The following CLASP1 variants were observed in gnomAD, a reference collection of about 807,000 sequenced individuals.
CLASP1 encodes CLIP-associating protein 1.
CLASP1 carries 38 observed loss-of-function variants against 192.3 expected under a neutral mutation model. The observed-to-expected ratio is 0.20, with a 90% confidence interval of 0.15 to 0.26. The LOEUF (loss-of-function observed/expected upper bound fraction) is 0.26, where lower values mean the gene tolerates loss of function less well. Among genes scored for constraint, CLASP1 ranks in the 10% least tolerant of loss-of-function variants. CLASP1 has a pLI of 1.00. For synonymous variants in CLASP1, 691 were observed against 712.8 expected, an observed-to-expected ratio of 0.97 and a Z score of 0.49; for missense variants, 1,433 against 1,932.5, an observed-to-expected ratio of 0.74 and a Z score of 4.85.
At chr2:121,405,808 G>A (rs1342438797) in intron 25 of CLASP1, among the ~76,000 whole-genome samples, 3 of 152,152 alleles carry the variant, frequency 2.0e-5, no homozygotes, top group Admixed American at 6.5e-5. Context: ...GGATGCCTGC[G>A]TTTCAGAAGG....
intron 32 of CLASP1, among the ~76,000 whole-genome samples, chr2:121,382,764 G>A (rs778999143): frequency 2.0e-5 from 3 of 152,202 alleles, no homozygotes; most frequent in South Asian, 4.1e-4. Flanking sequence ...AATTCAAATC[G>A]GACCAGAGGG....
At chr2:121,644,749 C>T (rs1048018241) in intron 1 of CLASP1, among the ~76,000 whole-genome samples, 2 of 152,102 alleles carry the variant, frequency 1.3e-5, no homozygotes, top group African/African-American at 4.8e-5. Flanking sequence ...TCGAGACCAG[C>T]ATGGGCAACA....
intron 34 of CLASP1, among the ~76,000 whole-genome samples, chr2:121,374,289 G>A (rs1356793978): frequency 1.3e-5 from 2 of 152,262 alleles, no homozygotes; most frequent in Non-Finnish European, 2.9e-5. Flanking sequence ...TGGGTATGCA[G>A]AAGGCAAGAA....
Position 121,539,899 on chromosome 2 carries a change from A to T in CLASP1, c.196-9574T>A, listed in dbSNP as rs1290000187. On this transcript the variant is annotated intron_variant, in intron 2 of 39. Transcript: ENST00000263710. ...ACTAGTCATCAAGGAACTGCAAATT[A>T]AATGAGACACTACCGCACACTCACA... Among the ~76,000 whole-genome samples the T allele has an allele frequency of 2.6e-5, 4 of 152,240 alleles. No homozygotes were observed. In the East Asian group the frequency reaches 7.7e-4, roughly 29 times the overall value.
chr2:121,600,636 T>TTA (rs1204072379), intron 2 of CLASP1, among the ~76,000 whole-genome samples: 1 of 152,252 alleles, frequency 6.6e-6, no homozygotes, highest in Non-Finnish European at 1.5e-5. Context: ...TATATTTGCA[T>TTA]TACTGCACAC....
chr2:121,567,756 A>G (rs1429015734), intron 2 of CLASP1, among the ~76,000 whole-genome samples: 2 of 152,236 alleles, frequency 1.3e-5, no homozygotes, highest in Admixed American at 6.5e-5. Flanking sequence ...TCATCATGCT[A>G]TGACTAAGCC....
In CLASP1 at chr2:121,527,774, A is replaced by T. The variant is rs1261972592; in HGVS notation, c.470+25T>A. On this transcript the variant is annotated intron_variant, in intron 5 of 39. Coordinates refer to ENST00000263710, the Ensembl canonical transcript of CLASP1. ...GTTTTAAAAAATTCAGCCACGTAAA[A>T]ATGTCAGGCTCATCCCAGACTTACG... 7 of 1,538,726 alleles carry T rather than the reference A, an allele frequency of 4.5e-6. No individual in the cohort carries two copies. The African/African-American group carries it at 8.3e-5, about 18-fold the overall frequency.
At chr2:121,571,454 G>A (rs2059967591) in intron 2 of CLASP1, among the ~76,000 whole-genome samples, 1 of 152,214 alleles carries the variant, frequency 6.6e-6, no homozygotes, top group African/African-American at 2.4e-5. Context: ...GGGTACTGCT[G>A]TGCAAGCAAC....
intron 6 of CLASP1, among the ~76,000 whole-genome samples, chr2:121,517,790 G>T (rs1267173763): frequency 6.7e-6 from 1 of 148,950 alleles, no homozygotes; most frequent in East Asian, 2.1e-4. Flanking sequence ...AAGCTCAGGA[G>T]TTGGAGGCTG....
intron 2 of CLASP1, among the ~76,000 whole-genome samples, chr2:121,533,500 C>A (rs548112690): frequency 6.6e-5 from 10 of 152,116 alleles, no homozygotes; most frequent in African/African-American, 1.9e-4. Flanking sequence ...GTGCCTGGCA[C>A]GTGGTAAGGG....
At chr2:121,363,244 T>C (rs750843630) in exon 37 of CLASP1, 1 of 1,613,986 alleles carries the variant, frequency 6.2e-7, no homozygotes, top group Admixed American at 1.7e-5. Context: ...TAAATCTTGC[T>C]GGTTGATTTC....
chr2:121,453,598 C>T (rs2086014221), intron 14 of CLASP1, among the ~76,000 whole-genome samples: 1 of 152,172 alleles, frequency 6.6e-6, no homozygotes, highest in South Asian at 2.1e-4. Context: ...CATGTTTATT[C>T]TACTTTCACC....
At chr2:121,450,070 A>AC (rs1347746517) in intron 16 of CLASP1, among the ~76,000 whole-genome samples, 1 of 152,164 alleles carries the variant, frequency 6.6e-6, no homozygotes, top group Non-Finnish European at 1.5e-5. Flanking sequence ...AGTGGCTCAC[A>AC]CCTGTAATTC....
chr2:121,392,559 C>A (rs768736903), intron 30 of CLASP1, among the ~76,000 whole-genome samples: 25 of 152,138 alleles, frequency 1.6e-4, no homozygotes, highest in East Asian at 1.9e-4. Flanking sequence ...TACAAGCATG[C>A]GCCACCATGC....
intron 8 of CLASP1, among the ~76,000 whole-genome samples, chr2:121,492,125 C>A (rs941143192): frequency 6.6e-6 from 1 of 152,174 alleles, no homozygotes; most frequent in Non-Finnish European, 1.5e-5. Context: ...AAGATTGGCT[C>A]ACGCCTGTAA....
At chr2:121,517,202 G>A (rs550794306) in intron 6 of CLASP1, among the ~76,000 whole-genome samples, 1 of 152,252 alleles carries the variant, frequency 6.6e-6, no homozygotes, top group South Asian at 2.1e-4. Flanking sequence ...TAAAAAGGTA[G>A]GAAGAAAAAC....
intron 8 of CLASP1, among the ~76,000 whole-genome samples, chr2:121,497,397 T>C (rs1016809023): frequency 6.6e-6 from 1 of 152,168 alleles, no homozygotes; most frequent in African/African-American, 2.4e-5. Context: ...AGAAGTAGAA[T>C]ATAAATTTGG....
chr2:121,368,220 A>C (rs2149267587), intron 34 of CLASP1, among the ~76,000 whole-genome samples: 1 of 152,184 alleles, frequency 6.6e-6, no homozygotes, highest in South Asian at 2.1e-4. Flanking sequence ...GCCCACATCC[A>C]CAGACAGAAG....
At position 121,340,964 on chromosome 2, in the gene CLASP1, A is replaced by T. The variant is rs955574922; in HGVS notation, c.4531-17T>A. On this transcript the variant is annotated splice_polypyrimidine_tract_variant and intron_variant, in intron 39 of 39. Transcript: ENST00000263710. Reference sequence around the variant, plus strand: ...TAGCTTCATCTGAAAAGAGAAGATGAAACTGAATTAGCAGGAAGAAAAGCA... The same window carrying T: ...TAGCTTCATCTGAAAAGAGAAGATGTAACTGAATTAGCAGGAAGAAAAGCA... The T allele has an allele frequency of 1.3e-6, 2 of 1,531,834 alleles. No individual in the cohort carries two copies. Among genetic ancestry groups the T allele is most frequent in the Non-Finnish European group, 1.8e-6 (2 of 1,115,846 alleles). 94.9% of individuals were successfully genotyped at this position (1,531,834 alleles called of 1,614,324 possible).
Sources: gnomAD v4.1 joint callset for allele counts (sites outside exome capture counted in the v4.1 genomes callset) on GRCh38, gnomAD v4.1.1 for gene constraint, MANE v1.5 for transcripts, NCBI Gene and HGNC (gene_info 2026-07-23, HGNC 2026-07-21) for gene names.